Variants in PKP4 observed in about 807,000 individuals in gnomAD.
The protein encoded by PKP4 is plakophilin-4.
PKP4 carries 90 observed loss-of-function variants against 145.1 expected under a neutral mutation model. That is an observed-to-expected ratio of 0.62 (90% CI 0.52 to 0.74). PKP4 has a LOEUF of 0.74. Among genes scored for constraint, PKP4 ranks in the 30% least tolerant of loss-of-function variants. The probability of loss-of-function intolerance (pLI) is 0.00; values close to 1 mark genes in which losing one functional copy is unlikely to be tolerated. For synonymous variants in PKP4, 563 were observed against 577.2 expected (o/e 0.98, Z 0.35); for missense variants, 1,340 against 1,482.7 (o/e 0.90, Z 1.58).
intron 1 of PKP4, among the ~76,000 whole-genome samples, chr2:158,526,969 C>G (rs202247333): frequency 0.036 from 3,551 of 99,558 alleles, 216 homozygotes; most frequent in East Asian, 0.17. Flanking sequence ...CAAACCACTG[C>G]TCAAGGAAAT....
intron 2 of PKP4, among the ~76,000 whole-genome samples, chr2:158,559,142 T>G (rs1344026786): frequency 6.6e-6 from 1 of 152,228 alleles, no homozygotes; most frequent in African/African-American, 2.4e-5. Context: ...ATATTTCTTG[T>G]GAAGAGCAAA....
intron 1 of PKP4, among the ~76,000 whole-genome samples, chr2:158,491,712 C>G (rs1181504210): frequency 2.6e-5 from 4 of 152,064 alleles, no homozygotes; most frequent in Non-Finnish European, 5.9e-5. Flanking sequence ...CTTCACCCCC[C>G]ACCCCAGCCA....
chr2:158,459,770 C>A (rs1314051024), intron 1 of PKP4, among the ~76,000 whole-genome samples: 2 of 150,024 alleles, frequency 1.3e-5, no homozygotes, highest in African/African-American at 4.9e-5. Flanking sequence ...AAATTGAAAA[C>A]CCTGTTCAGA....
At chr2:158,523,784 T>G (rs1011373427) in intron 1 of PKP4, among the ~76,000 whole-genome samples, 23 of 121,276 alleles carry the variant, frequency 1.9e-4, no homozygotes, top group African/African-American at 6.9e-4. Context: ...GAGAAGTGCT[T>G]AAAGGAGCTG....
chr2:158,666,667 G>C (rs1461480633), intron 16 of PKP4, 104 bp downstream of exon 16: 1 of 952,548 alleles, frequency 1.0e-6, no homozygotes, highest in Non-Finnish European at 1.5e-6. Flanking sequence ...ATCATTAACA[G>C]CTGAGCCCTA....
chr2:158,528,667 A>G (rs1376998267), intron 1 of PKP4, among the ~76,000 whole-genome samples: 1 of 76,382 alleles, frequency 1.3e-5, no homozygotes, highest in Non-Finnish European at 2.7e-5. Flanking sequence ...AACTTACTAA[A>G]TGAAAAAAAA....
intron 1 of PKP4, among the ~76,000 whole-genome samples, chr2:158,510,742 C>T (rs1207692080): frequency 1.3e-5 from 2 of 152,190 alleles, no homozygotes; most frequent in Non-Finnish European, 2.9e-5. Context: ...TTCCCCTGCC[C>T]AGGCAGCTGA....
intron 2 of PKP4, among the ~76,000 whole-genome samples, chr2:158,536,595 T>G (rs908118592): frequency 2.0e-5 from 3 of 152,162 alleles, no homozygotes; most frequent in Non-Finnish European, 4.4e-5. Context: ...TAGAGTGTCA[T>G]AAAACAGTGA....
At chr2:158,661,732 C>T (rs1296420746) in intron 13 of PKP4, 3 of 280,632 alleles carry the variant, frequency 1.1e-5, no homozygotes, top group Non-Finnish European at 2.1e-5. Flanking sequence ...CTGCTATTTC[C>T]TCCAATTCTG....
chr2:158,635,242 T>A (rs2053708250), intron 9 of PKP4, among the ~76,000 whole-genome samples: 2 of 152,214 alleles, frequency 1.3e-5, no homozygotes, highest in Non-Finnish European at 2.9e-5. Context: ...TACCTTAAAG[T>A]TGAGTGGGAA....
chr2:158,602,606 G>C lies in PKP4; in HGVS notation c.246-464G>C, dbSNP rs3771641. Among the ~76,000 whole-genome samples, 8 of 152,250 alleles carry C rather than the reference G, an allele frequency of 5.3e-5. No individual in the cohort carries two copies. In the South Asian group the frequency reaches 8.3e-4, roughly 16 times the overall value. On this transcript the variant is annotated intron_variant, in intron 3 of 21. Transcript: ENST00000389759. ...CCTTATATTTTTGATATGAAGTTCT[G>C]CGTTTTAAATTTTATAAGGCAATAT...
intron 11 of PKP4, among the ~76,000 whole-genome samples, chr2:158,649,881 A>G (rs889373549): frequency 2.6e-5 from 4 of 152,236 alleles, no homozygotes; most frequent in African/African-American, 9.6e-5. Flanking sequence ...ATGATGCTCT[A>G]TAGCTTGCAG....
intron 11 of PKP4, among the ~76,000 whole-genome samples, chr2:158,649,508 A>G (rs532148391): frequency 6.6e-5 from 10 of 152,372 alleles, no homozygotes; most frequent in Admixed American, 1.3e-4. Context: ...CTAGTGATCA[A>G]GTATAATCAT....
intron 1 of PKP4, among the ~76,000 whole-genome samples, chr2:158,512,217 G>A (rs2041580560): frequency 6.6e-6 from 1 of 152,212 alleles, no homozygotes; most frequent in Non-Finnish European, 1.5e-5. Flanking sequence ...CGTATATCTT[G>A]GTTCTTGGAT....
intron 3 of PKP4, among the ~76,000 whole-genome samples, chr2:158,596,700 A>G (rs1273753604): frequency 6.6e-6 from 1 of 152,172 alleles, no homozygotes; most frequent in East Asian, 1.9e-4. Context: ...AGATCATGTA[A>G]CGCTACTCAT....
At position 158,475,247 on chromosome 2, in the gene PKP4, TTTTTATTAGAG is replaced by T. The variant is rs1443410181; in HGVS notation, c.-6+18038_-6+18048del. Among the ~76,000 whole-genome samples, 9 of 152,316 alleles carry T rather than the reference TTTTTATTAGAG, an allele frequency of 5.9e-5. No individual in the cohort carries two copies. The East Asian group carries it at 1.7e-3, about 29-fold the overall frequency. On this transcript the variant is annotated intron_variant, in intron 1 of 21. Transcript: ENST00000389759. Reference sequence around the variant, plus strand: ...GACCCCTGGTGCCACTTTTTAAATCTTTTTATTAGAGTTTTATTATTTTTTGATAACATATC... The same window carrying T: ...GACCCCTGGTGCCACTTTTTAAATCTTTTTATTATTTTTTGATAACATATC...
chr2:158,653,552 C>T (rs898239482), intron 11 of PKP4, among the ~76,000 whole-genome samples: 1 of 152,108 alleles, frequency 6.6e-6, no homozygotes, highest in Non-Finnish European at 1.5e-5. Context: ...GAATAAGCAG[C>T]GTTTTCTACA....
chr2:158,480,233 G>A (rs1693137602), intron 1 of PKP4, among the ~76,000 whole-genome samples: 1 of 151,986 alleles, frequency 6.6e-6, no homozygotes, highest in African/African-American at 2.4e-5. Flanking sequence ...TATTTATTTA[G>A]TTATTTTTAT....
intron 20 of PKP4, among the ~76,000 whole-genome samples, chr2:158,677,686 A>G (rs1408659119): frequency 1.3e-5 from 2 of 152,258 alleles, no homozygotes; most frequent in Admixed American, 6.5e-5. Flanking sequence ...GTGATTTCAC[A>G]GGACTATTTA....
Sources: allele counts gnomAD v4.1 joint callset (sites outside exome capture counted in the v4.1 genomes callset), GRCh38; gene constraint gnomAD v4.1.1; transcripts MANE v1.5; gene names NCBI Gene and HGNC (gene_info 2026-07-23, HGNC 2026-07-21).